GRIA1: variants seen among roughly 807,000 people sequenced by gnomAD.
The protein encoded by GRIA1 is glutamate receptor 1.
In GRIA1, 31 loss-of-function variants were observed where a neutral mutation model predicts 99.2. The ratio of observed to expected loss-of-function variants is 0.31; its 90% CI spans 0.23 to 0.42. GRIA1 has a LOEUF of 0.42. Among genes scored for constraint, GRIA1 ranks in the 10% least tolerant of loss-of-function variants. The pLI, the probability that GRIA1 is intolerant of heterozygous loss-of-function variation, is 1.00. For missense variants in GRIA1, 782 were observed against 1,157.5 expected (o/e 0.68, Z 4.71); for synonymous variants, 438 against 432.4 (o/e 1.01, Z -0.16).
intron 1 of GRIA1, among the ~76,000 whole-genome samples, chr5:153,492,487 G>T (rs999199513): frequency 1.3e-5 from 2 of 152,132 alleles, no homozygotes; most frequent in Non-Finnish European, 1.5e-5. Flanking sequence ...CATCTGGGGG[G>T]AAGGGGGAGC....
rs138827301 is a variant in GRIA1 at position 153,567,071 on chromosome 5, TTTGCAGC to T, written c.220+73007_220+73013del. Among the ~76,000 whole-genome samples, 33 of 152,322 alleles carry T rather than the reference TTTGCAGC, an allele frequency of 2.2e-4. No homozygotes were observed. In the East Asian group the frequency reaches 6.4e-3, roughly 29 times the overall value. On this transcript the variant is annotated intron_variant, in intron 2 of 15. Transcript: ENST00000285900. ...CCTATTAGCCTTCTTTATGGTATCA[TTTGCAGC>T]ACAGTTTTAGATCTTTTTTGTTGTT...
intron 11 of GRIA1, among the ~76,000 whole-genome samples, chr5:153,728,699 A>C (rs201599564): frequency 0.037 from 2,667 of 71,900 alleles, 2 homozygotes; most frequent in East Asian, 0.13. Flanking sequence ...ATCTCACACC[A>C]GTTAGAATGG....
chr5:153,631,512 CTAAA>C (rs1164911468), intron 2 of GRIA1, among the ~76,000 whole-genome samples: 4 of 152,108 alleles, frequency 2.6e-5, no homozygotes, highest in Non-Finnish European at 5.9e-5. Flanking sequence ...TTTTCTGAAA[CTAAA>C]TACTTTTGAA....
chr5:153,748,395 A>G (rs1308049297), intron 11 of GRIA1, among the ~76,000 whole-genome samples: 1 of 152,202 alleles, frequency 6.6e-6, no homozygotes, highest in African/African-American at 2.4e-5. Context: ...AAACAAGAAG[A>G]TCAAAGTGGC....
intron 2 of GRIA1, among the ~76,000 whole-genome samples, chr5:153,637,568 A>G (rs982972209): frequency 1.3e-5 from 2 of 152,186 alleles, no homozygotes; most frequent in Non-Finnish European, 1.5e-5. Context: ...AAATGCTCTC[A>G]TTTTGAACCC....
intron 10 of GRIA1, among the ~76,000 whole-genome samples, chr5:153,701,619 C>CAAAAAAAAAA (rs70978504): frequency 0.028 from 1,089 of 39,350 alleles, 202 homozygotes; most frequent in East Asian, 0.043. Flanking sequence ...AGACCCGTCT[C>CAAAAAAAAAA]AAAAAAAAAA....
intron 2 of GRIA1, among the ~76,000 whole-genome samples, chr5:153,521,382 G>A (rs1757130018): frequency 6.6e-6 from 1 of 152,228 alleles, no homozygotes; most frequent in Admixed American, 6.5e-5. Flanking sequence ...GATTCCAATG[G>A]CCTCTGACTT....
intron 2 of GRIA1, among the ~76,000 whole-genome samples, chr5:153,575,593 G>A (rs754482017): frequency 2.5e-4 from 38 of 152,164 alleles, no homozygotes; most frequent in Non-Finnish European, 4.6e-4. Context: ...CCTAAAGAGG[G>A]AACAGGGCTT....
intron 3 of GRIA1, among the ~76,000 whole-genome samples, chr5:153,648,970 C>A (rs146127692): frequency 6.6e-6 from 1 of 152,138 alleles, no homozygotes; most frequent in East Asian, 1.9e-4. Context: ...GGTAATTATC[C>A]TGGATTATGT....
chr5:153,659,228 C>G (rs1196147566), intron 5 of GRIA1, among the ~76,000 whole-genome samples: 2 of 152,122 alleles, frequency 1.3e-5, no homozygotes, highest in African/African-American at 2.4e-5. Flanking sequence ...TTAAATCCGC[C>G]CATCTGTACA....
At position 153,599,027 on chromosome 5, in the gene GRIA1, G is replaced by A. The variant is rs973027894; in HGVS notation, c.221-47901G>A. On this transcript the variant is annotated intron_variant, in intron 2 of 15. Coordinates refer to ENST00000285900, the MANE Select transcript of GRIA1 (RefSeq NM_000827.4). ...CTCCCGAGCAGCTGGAACTGCAGGC[G>A]CCCGCCACCACGCCTGGCTAGTTTT... 3.9e-5 allele frequency among the ~76,000 whole-genome samples: 6 copies of A among 152,002 alleles called. No homozygotes were observed. The South Asian group carries it at 6.2e-4, about 16-fold the overall frequency.
chr5:153,741,915 A>G (rs1761818186), intron 11 of GRIA1, among the ~76,000 whole-genome samples: 3 of 147,272 alleles, frequency 2.0e-5, no homozygotes, highest in Admixed American at 6.9e-5. Context: ...TTCTTAACGT[A>G]TAAAACTAAA....
chr5:153,794,820 C>A, intron 14 of GRIA1, 85 bp downstream of exon 14: 1 of 770,364 alleles, frequency 1.3e-6, no homozygotes, highest in Non-Finnish European at 2.2e-6. Flanking sequence ...AATACCTATC[C>A]TGCTTCCTAA....
At chr5:153,768,713 GA>G (rs1010162333) in intron 12 of GRIA1, among the ~76,000 whole-genome samples, 10 of 152,032 alleles carry the variant, frequency 6.6e-5, no homozygotes, top group African/African-American at 2.4e-4. Context: ...CTTGTATACA[GA>G]AAAAAGTGAT....
At chr5:153,810,987 CA>C (rs1230314148) in intron 15 of GRIA1, 37 bp from the exon 16 acceptor site, 3 of 1,507,986 alleles carry the variant, frequency 2.0e-6, no homozygotes, top group Non-Finnish European at 2.8e-6. Flanking sequence ...CTGTCATTGC[CA>C]AGGACCCGGG....
chr5:153,783,982 G>A (rs922413427), intron 13 of GRIA1, among the ~76,000 whole-genome samples: 5 of 152,204 alleles, frequency 3.3e-5, no homozygotes, highest in African/African-American at 1.2e-4. Flanking sequence ...GGTAGTACAT[G>A]TGCCAATGCA....
chr5:153,683,925 T>C (rs1401507475), intron 7 of GRIA1, among the ~76,000 whole-genome samples: 1 of 152,210 alleles, frequency 6.6e-6, no homozygotes, highest in Non-Finnish European at 1.5e-5. Context: ...ACCTGGGAAA[T>C]GCCCAGCAGC....
At chr5:153,523,522 T>TA (rs1554093097) in intron 2 of GRIA1, among the ~76,000 whole-genome samples, 1 of 150,960 alleles carries the variant, frequency 6.6e-6, no homozygotes, top group Non-Finnish European at 1.5e-5. Context: ...TTTTTTTTTT[T>TA]ATTTATGCTT....
At chr5:153,655,648 A>G (rs1415515305) in intron 4 of GRIA1, among the ~76,000 whole-genome samples, 171 bp from the exon 5 acceptor site, 2 of 152,120 alleles carry the variant, frequency 1.3e-5, no homozygotes, top group Non-Finnish European at 2.9e-5. Flanking sequence ...CTTATTTGTA[A>G]AATAAGGATG....
Sources: gnomAD v4.1 joint callset for allele counts (sites outside exome capture counted in the v4.1 genomes callset) on GRCh38, gnomAD v4.1.1 for gene constraint, MANE v1.5 for transcripts, NCBI Gene and HGNC (gene_info 2026-07-23, HGNC 2026-07-21) for gene names.